The following DYNC1I1 variants were observed in gnomAD, a reference collection of about 807,000 sequenced individuals.
DYNC1I1 encodes dynein cytoplasmic 1 intermediate chain 1.
A neutral mutation model predicts 86.6 loss-of-function variants in DYNC1I1; 43 were observed. That is an observed-to-expected ratio of 0.50 (90% confidence interval 0.39 to 0.64). The LOEUF (loss-of-function observed/expected upper bound fraction) is 0.64, where lower values mean the gene tolerates loss of function less well. Among genes scored for constraint, DYNC1I1 ranks in the 30% least tolerant of loss-of-function variants. DYNC1I1 has a pLI of 0.00. For missense variants in DYNC1I1, 604 were observed against 788.8 expected, an observed-to-expected ratio of 0.77 and a Z score of 2.81; for synonymous variants, 262 against 283.7, an observed-to-expected ratio of 0.92 and a Z score of 0.77.
At chr7:95,906,295 A>G (rs1005284272) in intron 6 of DYNC1I1, among the ~76,000 whole-genome samples, 1 of 152,128 alleles carries the variant, frequency 6.6e-6, no homozygotes, top group African/African-American at 2.4e-5. Flanking sequence ...AATCCCCTTG[A>G]GCTACGGTTT....
At chr7:95,821,196 T>C (rs1795068579) in intron 4 of DYNC1I1, among the ~76,000 whole-genome samples, 1 of 152,248 alleles carries the variant, frequency 6.6e-6, no homozygotes, top group African/African-American at 2.4e-5. Context: ...GAATTTATTG[T>C]CTATCAGATA....
chr7:96,105,490 A>G (rs2116351305), intron 16 of DYNC1I1, among the ~76,000 whole-genome samples: 1 of 152,260 alleles, frequency 6.6e-6, no homozygotes, highest in East Asian at 1.9e-4. Context: ...TGGTAATCCA[A>G]CTTTGAAATA....
chr7:95,951,863 A>T (rs1171649822), intron 6 of DYNC1I1, among the ~76,000 whole-genome samples: 2 of 152,160 alleles, frequency 1.3e-5, no homozygotes, highest in Admixed American at 1.3e-4. Flanking sequence ...GTCAGGAAGC[A>T]CCTGTCCTGA....
At chr7:96,058,193 A>G (rs1415803502) in intron 14 of DYNC1I1, among the ~76,000 whole-genome samples, 5 of 152,238 alleles carry the variant, frequency 3.3e-5, no homozygotes, top group Non-Finnish European at 7.3e-5. Context: ...AGTCAAAAGA[A>G]TACTAGATTT....
intron 1 of DYNC1I1, among the ~76,000 whole-genome samples, chr7:95,781,105 CTT>C (rs10535407): frequency 0.023 from 3,451 of 152,234 alleles, 168 homozygotes; most frequent in East Asian, 0.12. Context: ...GATCCTCCCT[CTT>C]TGAATGCCTT....
intron 6 of DYNC1I1, among the ~76,000 whole-genome samples, chr7:95,892,685 G>T (rs1295338020): frequency 6.6e-6 from 1 of 152,180 alleles, no homozygotes; most frequent in Non-Finnish European, 1.5e-5. Flanking sequence ...GACCTCAGGT[G>T]ATCCGCCCAC....
At chr7:95,850,423 GA>G (rs1426854908) in intron 5 of DYNC1I1, among the ~76,000 whole-genome samples, 2 of 152,098 alleles carry the variant, frequency 1.3e-5, no homozygotes, top group East Asian at 3.9e-4. Flanking sequence ...AAAGGGTATT[GA>G]ATTTTGCCAA....
intron 1 of DYNC1I1, among the ~76,000 whole-genome samples, chr7:95,784,309 T>C (rs1056114142): frequency 1.5e-4 from 23 of 152,154 alleles, no homozygotes; most frequent in African/African-American, 5.6e-4. Context: ...GTGGTATAAA[T>C]GAATTGTGAC....
chr7:95,843,158 G>A (rs1789335245), intron 5 of DYNC1I1, among the ~76,000 whole-genome samples: 1 of 152,104 alleles, frequency 6.6e-6, no homozygotes. Context: ...TTGTGTAAAT[G>A]CCCAGAACTG....
At chr7:96,093,962 A>G (rs915398841) in intron 16 of DYNC1I1, among the ~76,000 whole-genome samples, 6 of 152,194 alleles carry the variant, frequency 3.9e-5, no homozygotes, top group African/African-American at 1.4e-4. Flanking sequence ...TGCTGAAGCA[A>G]TGTTATTAAC....
chr7:95,951,285 C>T (rs143458010), intron 6 of DYNC1I1, among the ~76,000 whole-genome samples: 13 of 152,214 alleles, frequency 8.5e-5, no homozygotes, highest in African/African-American at 3.1e-4. Flanking sequence ...TAGCTTTGGC[C>T]TTCCTCATCA....
At chr7:95,832,204 T>G (rs1488453770) in intron 5 of DYNC1I1, among the ~76,000 whole-genome samples, 2 of 116,334 alleles carry the variant, frequency 1.7e-5, no homozygotes, top group East Asian at 2.8e-4. Context: ...CACCTATGAG[T>G]GAGAATATGT....
intron 1 of DYNC1I1, among the ~76,000 whole-genome samples, chr7:95,795,858 C>T (rs544274410): frequency 1.3e-5 from 2 of 151,568 alleles, no homozygotes; most frequent in Admixed American, 1.3e-4. Flanking sequence ...ATATAAGAAA[C>T]CTGCACATGT....
chr7:95,847,509 T>G (rs532347333), intron 5 of DYNC1I1, among the ~76,000 whole-genome samples: 1 of 152,146 alleles, frequency 6.6e-6, no homozygotes, highest in Non-Finnish European at 1.5e-5. Context: ...TAGACTATAT[T>G]TTTTTACATA....
rs974241088 is a variant in DYNC1I1 at position 96,098,117 on chromosome 7, G to A, written c.*524G>A. 2.0e-4 allele frequency: 194 copies of A among 986,116 alleles called. No homozygotes were observed. The highest frequency in any genetic ancestry group is 2.3e-4 in the Non-Finnish European group (187 of 830,226). 61.1% of individuals were successfully genotyped at this position (986,116 alleles called of 1,614,324 possible). A position where few individuals can be genotyped will look rare whatever the true frequency, so the allele number is the denominator to read the frequency against. On this transcript the variant is annotated 3_prime_UTR_variant, in exon 17 of 17. Transcript: ENST00000447467. ...TGTGCTGCATGGAACGTATTTATTTGAAAGCATTAAAATAAATGATCCTAG... is the reference window on the plus strand; with the variant it reads ...TGTGCTGCATGGAACGTATTTATTTAAAAGCATTAAAATAAATGATCCTAG...
intron 15 of DYNC1I1, among the ~76,000 whole-genome samples, chr7:96,078,405 C>T (rs1417732630): frequency 6.6e-6 from 1 of 152,124 alleles, no homozygotes; most frequent in South Asian, 2.1e-4. Context: ...AAGGTCATTA[C>T]TGATCGGATT....
At chr7:95,936,705 C>G (rs950610486) in intron 6 of DYNC1I1, among the ~76,000 whole-genome samples, 1 of 151,706 alleles carries the variant, frequency 6.6e-6, no homozygotes, top group East Asian at 1.9e-4. Flanking sequence ...ATTAAAAATA[C>G]GATTGTTCCA....
chr7:95,912,478 A>C (rs1232235815), intron 6 of DYNC1I1, among the ~76,000 whole-genome samples: 1 of 152,218 alleles, frequency 6.6e-6, no homozygotes, highest in Non-Finnish European at 1.5e-5. Flanking sequence ...TGTGCAGTGC[A>C]TGTGGCTCAG....
In DYNC1I1 at chr7:95,934,432, C is replaced by T. The variant is rs115347256; in HGVS notation, c.491-43080C>T. Reference sequence around the variant, plus strand: ...TAATTCAAGTAATTCTTAAGGCTTCCATTATGTAAACCTGTGGCTGAACTT... The same window carrying T: ...TAATTCAAGTAATTCTTAAGGCTTCTATTATGTAAACCTGTGGCTGAACTT... On this transcript the variant is annotated intron_variant, in intron 6 of 16. Coordinates refer to ENST00000447467, the MANE Select transcript of DYNC1I1 (RefSeq NM_001135556.2). Among the ~76,000 whole-genome samples, 582 of 152,254 alleles carry T rather than the reference C, an allele frequency of 3.8e-3. 4 individuals carry two copies. The highest frequency in any genetic ancestry group is 0.013 in the African/African-American group (553 of 41,564).
Sources: allele counts gnomAD v4.1 joint callset (sites outside exome capture counted in the v4.1 genomes callset), GRCh38; gene constraint gnomAD v4.1.1; transcripts MANE v1.5; gene names NCBI Gene and HGNC (gene_info 2026-07-23, HGNC 2026-07-21).